The following ZBTB20 variants were observed in gnomAD, a reference collection of about 807,000 sequenced individuals.
ZBTB20 encodes the protein zinc finger and BTB domain-containing protein 20.
Under a neutral mutation model 56.9 loss-of-function variants are expected in ZBTB20, and 9 were observed. The ratio of observed to expected loss-of-function variants is 0.16; its 90% confidence interval spans 0.10 to 0.28. The LOEUF is 0.28. Among genes scored for constraint, ZBTB20 ranks in the 10% least tolerant of loss-of-function variants. The pLI is 1.00. For missense variants in ZBTB20, 655 were observed against 1,003.0 expected, an observed-to-expected ratio of 0.65 and a Z score of 4.69; for synonymous variants, 417 against 420.7, an observed-to-expected ratio of 0.99 and a Z score of 0.11.
chr3:114,442,713 G>C (rs2091008787), intron 7 of ZBTB20, among the ~76,000 whole-genome samples: 1 of 152,096 alleles, frequency 6.6e-6, no homozygotes, highest in South Asian at 2.1e-4. Flanking sequence ...ATGTTCATGT[G>C]ATCTACCTCT....
intron 6 of ZBTB20, among the ~76,000 whole-genome samples, chr3:114,508,499 G>A (rs1293760686): frequency 6.6e-6 from 1 of 152,096 alleles, no homozygotes; most frequent in Non-Finnish European, 1.5e-5. Context: ...TATAAGCAAA[G>A]CACTAACATG....
In ZBTB20 at chr3:114,339,049, C is replaced by T; in HGVS notation, c.2182G>A (p.Glu728Lys). The change falls in exon 12 of 12, where the codon GAG becomes AAG. Residue 728 changes from glutamate to lysine, a missense_variant. By Grantham distance (56) the Glu-to-Lys change is moderately conservative (BLOSUM62 1). Around this residue, in one of 10 missense-constraint regions of ZBTB20, gnomAD observed 89 missense variants for 79.7 expected, o/e 1.12. Coordinates refer to ENST00000675478, the MANE Select transcript of ZBTB20 (RefSeq NM_001348800.3). This position sits in a 1 kb window ranked among gnomAD's most constrained non-coding sequence, Gnocchi z 4.2. The stretch of plus-strand genomic sequence containing the variant: ...ATCCTCATGTGGTCGTTGAACTGCT[C>T]GATTTGGTCAAACTTTGCTGGGCAG... ...SVCPAKFDQI[E>K]QFNDHMRMHV... The T allele has an allele frequency of 2.6e-6, 4 of 1,543,118 alleles. No homozygotes were observed. The highest frequency in any genetic ancestry group is 2.5e-5 in the South Asian group (2 of 78,774).
chr3:114,963,597 A>G (rs2077535336), intron 3 of ZBTB20, among the ~76,000 whole-genome samples: 1 of 152,232 alleles, frequency 6.6e-6, no homozygotes, highest in Admixed American at 6.5e-5. Flanking sequence ...TTAAGTCTAT[A>G]CATATTAAAA....
intron 2 of ZBTB20, among the ~76,000 whole-genome samples, chr3:114,997,602 T>C (rs1426540116): frequency 6.6e-6 from 1 of 151,546 alleles, no homozygotes; most frequent in Non-Finnish European, 1.5e-5. Flanking sequence ...CAAGTTCGAA[T>C]GTTGATAACA....
At chr3:114,833,118 T>C (rs1390030985) in intron 4 of ZBTB20, among the ~76,000 whole-genome samples, 1 of 152,164 alleles carries the variant, frequency 6.6e-6, no homozygotes, top group African/African-American at 2.4e-5. Flanking sequence ...ATTTCTTATA[T>C]TTTAAATAGG....
chr3:114,350,886 C>T lies in ZBTB20; in HGVS notation c.1192G>A (p.Ala398Thr), dbSNP rs375211003. ...DSVEQQFGPGAARDSQAEPTQ... is the reference protein window; with the variant it reads ...DSVEQQFGPGTARDSQAEPTQ... Reference sequence around the variant, plus strand: ...GGTTCAGCCTGGCTGTCCCGCGCCGCCCCAGGCCCAAACTGCTGCTCCACC... The same window carrying T: ...GGTTCAGCCTGGCTGTCCCGCGCCGTCCCAGGCCCAAACTGCTGCTCCACC... The change falls in exon 11 of 12, where the codon GCG becomes ACG. Residue 398 changes from alanine to threonine, a missense_variant. Physicochemically the swap from Ala to Thr is moderately conservative, Grantham distance 58 (BLOSUM62 0). Coordinates refer to ENST00000675478, the MANE Select transcript of ZBTB20 (RefSeq NM_001348800.3). 158 of 1,607,626 alleles carry T rather than the reference C, an allele frequency of 9.8e-5. No homozygotes were observed. Among genetic ancestry groups the T allele is most frequent in the Non-Finnish European group, 1.2e-4 (137 of 1,179,962 alleles).
intron 1 of ZBTB20, among the ~76,000 whole-genome samples, chr3:115,135,947 T>C (rs998316491): frequency 6.6e-6 from 1 of 152,138 alleles, no homozygotes; most frequent in African/African-American, 2.4e-5. Context: ...AATTGCAATC[T>C]ATGAATTACA....
intron 6 of ZBTB20, among the ~76,000 whole-genome samples, chr3:114,579,996 A>G (rs2054481285): frequency 6.6e-6 from 1 of 151,700 alleles, no homozygotes; most frequent in Non-Finnish European, 1.5e-5. Flanking sequence ...TGTTTAAGAT[A>G]TAGAAAAAAA....
chr3:114,876,271 A>G (rs962403011), intron 4 of ZBTB20: 3 of 122,322 alleles, frequency 2.5e-5, no homozygotes, highest in Non-Finnish European at 3.5e-5. Flanking sequence ...GTAGTCTTTT[A>G]TCCCTCACAC....
intron 7 of ZBTB20, among the ~76,000 whole-genome samples, chr3:114,491,767 C>T (rs944891642): frequency 5.9e-5 from 9 of 152,154 alleles, no homozygotes; most frequent in Admixed American, 4.6e-4. Context: ...TCACTTCCCC[C>T]CTCAAGATAT....
chr3:114,942,446 T>C (rs2076752229), intron 3 of ZBTB20, among the ~76,000 whole-genome samples: 1 of 145,290 alleles, frequency 6.9e-6, no homozygotes. Flanking sequence ...GAGGGGAGTA[T>C]AAAACACATA....
At chr3:114,686,996 G>A (rs1232430391) in intron 6 of ZBTB20, among the ~76,000 whole-genome samples, 1 of 152,138 alleles carries the variant, frequency 6.6e-6, no homozygotes, top group Non-Finnish European at 1.5e-5. Flanking sequence ...TGTAAGGCAT[G>A]TGAGAAAAAT....
chr3:114,472,011 G>C (rs2040187541), intron 7 of ZBTB20, among the ~76,000 whole-genome samples: 1 of 152,128 alleles, frequency 6.6e-6, no homozygotes, highest in South Asian at 2.1e-4. Flanking sequence ...AGGATAAAAA[G>C]GATTTCCTTA....
At chr3:114,402,618 C>T (rs997251994) in intron 7 of ZBTB20, among the ~76,000 whole-genome samples, 3 of 152,104 alleles carry the variant, frequency 2.0e-5, no homozygotes, top group Non-Finnish European at 4.4e-5. Context: ...TAACTCACGA[C>T]GAGGATCACA....
intron 10 of ZBTB20, among the ~76,000 whole-genome samples, chr3:114,369,871 ATTG>A (rs1303950689): frequency 1.3e-5 from 2 of 152,250 alleles, no homozygotes; most frequent in African/African-American, 4.8e-5. Context: ...TGTTTTAAAA[ATTG>A]TTAAGATGAT....
rs114533599 is a variant in ZBTB20 at position 115,061,295 on chromosome 3, G to C, written c.-507+9924C>G. Among the ~76,000 whole-genome samples, 559 of 152,230 alleles carry C rather than the reference G, an allele frequency of 3.7e-3. 4 individuals are homozygous for C. Among genetic ancestry groups the C allele is most frequent in the African/African-American group, 0.013 (521 of 41,554 alleles). ...CTTTTGGTTTCCTCACCTGCAAAAT[G>C]CAAATAGTCATCCCTGTTTACTTTT... On this transcript the variant is annotated intron_variant, in intron 2 of 11. Coordinates refer to ENST00000675478, the MANE Select transcript of ZBTB20 (RefSeq NM_001348800.3).
intron 2 of ZBTB20, among the ~76,000 whole-genome samples, chr3:115,066,241 A>G (rs1171092631): frequency 2.0e-5 from 3 of 151,944 alleles, no homozygotes; most frequent in African/African-American, 7.2e-5. Flanking sequence ...CTGGCTGGCC[A>G]CCAACCTCCT....
chr3:114,489,831 G>A (rs1386096524), intron 7 of ZBTB20, among the ~76,000 whole-genome samples: 1 of 152,176 alleles, frequency 6.6e-6, no homozygotes, highest in Non-Finnish European at 1.5e-5. Context: ...ATTTCCTAAA[G>A]GGAATATCAC....
At chr3:114,453,921 T>TGCC (rs1250656523) in intron 7 of ZBTB20, among the ~76,000 whole-genome samples, 1 of 80,306 alleles carries the variant, frequency 1.2e-5, no homozygotes, top group African/African-American at 5.2e-5. Context: ...TTAAGCTCAC[T>TGCC]CCCCCCCCCC....
Sources: gnomAD v4.1 joint callset for allele counts (sites outside exome capture counted in the v4.1 genomes callset) on GRCh38, gnomAD v4.1.1 for gene constraint, gnomAD v4.1.1 regional missense constraint, Gnocchi (gnomAD v3.1) non-coding constraint, MANE v1.5 for transcripts, NCBI Gene and HGNC (gene_info 2026-07-23, HGNC 2026-07-21) for gene names.